The following ZFHX3 variants were observed in gnomAD, a reference collection of about 807,000 sequenced individuals.
ZFHX3 encodes the protein zinc finger homeobox protein 3.
ZFHX3 carries 42 observed loss-of-function variants against 279.1 expected under a neutral mutation model. That is an observed-to-expected ratio of 0.15 (90% CI 0.12 to 0.19). ZFHX3 has a LOEUF of 0.19. ZFHX3 is among the 10% of genes least tolerant of loss of function. ZFHX3 has a pLI of 1.00. For synonymous variants in ZFHX3, 2,293 were observed against 1,957.8 expected, an observed-to-expected ratio of 1.17 and a Z score of -4.52; for missense variants, 4,981 against 4,754.0, an observed-to-expected ratio of 1.05 and a Z score of -1.40.
rs2020218757 is a variant in ZFHX3, at chr16:73,552,632, T to TA, written c.-1546-96375dup. 2.6e-5 allele frequency among the ~76,000 whole-genome samples: 4 copies of TA among 152,116 alleles called. No individual in the cohort carries two copies. In the South Asian group the frequency reaches 6.2e-4, roughly 24 times the overall value. On this transcript the variant is annotated intron_variant, in intron 2 of 17. Transcript: ENST00000641206. Reference sequence around the variant, plus strand: ...TGGGTTCTATACAACCACAAAATCTTAGATATTTTTCTGAGGACTAGAAGA... The same window carrying TA: ...TGGGTTCTATACAACCACAAAATCTTAAGATATTTTTCTGAGGACTAGAAGA...
chr16:73,823,038 C>A (rs543168156), intron 1 of ZFHX3, among the ~76,000 whole-genome samples: 23 of 152,302 alleles, frequency 1.5e-4, no homozygotes, highest in African/African-American at 4.8e-4. Flanking sequence ...GAAGCCGAAT[C>A]CCTGCCCTTA....
At chr16:73,274,157 T>C (rs1417177718) in intron 4 of ZFHX3, among the ~76,000 whole-genome samples, 1 of 152,144 alleles carries the variant, frequency 6.6e-6, no homozygotes, top group East Asian at 1.9e-4. Context: ...AAAAAAAAAG[T>C]GTAATAGTTA....
intron 5 of ZFHX3, among the ~76,000 whole-genome samples, chr16:73,246,498 G>A (rs779038570): frequency 2.0e-5 from 3 of 152,272 alleles, no homozygotes; most frequent in South Asian, 4.1e-4. Context: ...ATCGAACCCC[G>A]AGGTGCTGGG....
At chr16:72,835,316 A>T (rs1419746459) in intron 4 of ZFHX3, among the ~76,000 whole-genome samples, 1 of 152,158 alleles carries the variant, frequency 6.6e-6, no homozygotes, top group Non-Finnish European at 1.5e-5. Flanking sequence ...ATGTGCACAG[A>T]CACCCACTTT....
intron 1 of ZFHX3, among the ~76,000 whole-genome samples, chr16:73,054,243 T>A (rs1182416360): frequency 1.3e-5 from 2 of 152,180 alleles, no homozygotes; most frequent in African/African-American, 4.8e-5. Context: ...ACTGAATTTT[T>A]AATGCTGCCA....
At chr16:73,717,928 T>C (rs1275467394) in intron 1 of ZFHX3, among the ~76,000 whole-genome samples, 3 of 152,238 alleles carry the variant, frequency 2.0e-5, no homozygotes, top group African/African-American at 7.2e-5. Flanking sequence ...GCCATCACTA[T>C]GCAGAATGAA....
At chr16:73,248,785 T>C (rs946995860) in intron 5 of ZFHX3, among the ~76,000 whole-genome samples, 1 of 152,156 alleles carries the variant, frequency 6.6e-6, no homozygotes, top group Non-Finnish European at 1.5e-5. Context: ...GTCAAAGAAG[T>C]TGCATTCGAT....
chr16:73,453,721 A>G (rs561649173), intron 3 of ZFHX3, among the ~76,000 whole-genome samples: 32 of 152,348 alleles, frequency 2.1e-4, no homozygotes, highest in African/African-American at 7.7e-4. Context: ...AAGAGGTTTC[A>G]TGGACTCACA....
chr16:73,026,695 A>C (rs1011912271), intron 1 of ZFHX3, among the ~76,000 whole-genome samples: 10 of 147,800 alleles, frequency 6.8e-5, no homozygotes, highest in Non-Finnish European at 1.5e-4. Context: ...AAAAAAAAAA[A>C]CACATAGTAA....
At chr16:72,932,148 T>C (rs537350831) in intron 3 of ZFHX3, among the ~76,000 whole-genome samples, 3 of 152,282 alleles carry the variant, frequency 2.0e-5, no homozygotes, top group South Asian at 4.1e-4. Flanking sequence ...CAAGCCTACG[T>C]TCTAACTTGC....
At chr16:73,195,756 G>A (rs989685106) in intron 5 of ZFHX3, among the ~76,000 whole-genome samples, 2 of 151,238 alleles carry the variant, frequency 1.3e-5, no homozygotes, top group African/African-American at 2.5e-5. Flanking sequence ...TGGCTAGAAA[G>A]CAAAAAAAAT....
intron 1 of ZFHX3, among the ~76,000 whole-genome samples, chr16:73,690,976 GAC>G (rs1300635802): frequency 6.6e-6 from 1 of 152,166 alleles, no homozygotes; most frequent in African/African-American, 2.4e-5. Flanking sequence ...ACAGATAAGA[GAC>G]ACACAGACCA....
chr16:73,350,003 T>C (rs2016208797), intron 3 of ZFHX3, among the ~76,000 whole-genome samples: 1 of 151,308 alleles, frequency 6.6e-6, no homozygotes, highest in South Asian at 2.1e-4. Context: ...TTCCAGTTCT[T>C]TATTCTGGAA....
At chr16:73,595,408 T>A (rs550960846) in intron 2 of ZFHX3, among the ~76,000 whole-genome samples, 1 of 152,352 alleles carries the variant, frequency 6.6e-6, no homozygotes, top group East Asian at 1.9e-4. Context: ...ATCAAAAGCA[T>A]CGACAATTCC....
In ZFHX3 at chr16:73,564,816, C is replaced by T. The variant is rs984609026; in HGVS notation, c.-1546-108558G>A. Among the ~76,000 whole-genome samples, 11 of 152,206 alleles carry T rather than the reference C, an allele frequency of 7.2e-5. 1 individual carries two copies. The highest frequency in any genetic ancestry group is 2.7e-4 in the African/African-American group (11 of 41,460). ...GATGGTAAATTTTCCAAAATGCTGT[C>T]ATCTCCACGTCATGTTCTTAAATGC... On this transcript the variant is annotated intron_variant, in intron 2 of 17. Coordinates refer to the ZFHX3 transcript ENST00000641206.
chr16:73,710,559 C>T (rs1414556518), intron 1 of ZFHX3, among the ~76,000 whole-genome samples: 1 of 152,160 alleles, frequency 6.6e-6, no homozygotes, highest in Non-Finnish European at 1.5e-5. Context: ...TAAAATAAAA[C>T]TAGGCCACTG....
chr16:73,818,002 G>A (rs1293718068), intron 1 of ZFHX3, among the ~76,000 whole-genome samples: 1 of 152,200 alleles, frequency 6.6e-6, no homozygotes, highest in Non-Finnish European at 1.5e-5. Flanking sequence ...TAATAAAAGT[G>A]TGACTTATAA....
At chr16:73,675,780 C>T (rs984286157) in intron 2 of ZFHX3, among the ~76,000 whole-genome samples, 8 of 151,870 alleles carry the variant, frequency 5.3e-5, no homozygotes, top group African/African-American at 1.9e-4. Context: ...TAAAGTCTCA[C>T]AAATATCTAG....
At chr16:73,503,740 C>T (rs555504295) in intron 2 of ZFHX3, among the ~76,000 whole-genome samples, 1 of 152,282 alleles carries the variant, frequency 6.6e-6, no homozygotes, top group Non-Finnish European at 1.5e-5. Context: ...GAGGCTTCCT[C>T]CATGTTGGTT....
Sources: allele counts gnomAD v4.1 joint callset (sites outside exome capture counted in the v4.1 genomes callset), GRCh38; gene constraint gnomAD v4.1.1; transcripts MANE v1.5; gene names NCBI Gene and HGNC (gene_info 2026-07-23, HGNC 2026-07-21).